The following CFAP47 variants were observed in gnomAD, a reference collection of about 807,000 sequenced individuals.
The protein encoded by CFAP47 is cilia and flagella associated protein 47.
Under a neutral mutation model 148.1 loss-of-function variants are expected in CFAP47, and 29 were observed. That is an observed-to-expected ratio of 0.20 (90% confidence interval 0.15 to 0.27). The LOEUF is 0.27. Ranked by LOEUF, CFAP47 falls within the 10% of genes least tolerant of loss-of-function variation. The probability of loss-of-function intolerance (pLI) is 1.00; values close to 1 mark genes in which losing one functional copy is unlikely to be tolerated. For missense variants in CFAP47, 1,872 were observed against 1,697.5 expected, an observed-to-expected ratio of 1.10 and a Z score of -1.81; for synonymous variants, 664 against 577.3, an observed-to-expected ratio of 1.15 and a Z score of -2.15.
intron 49 of CFAP47, among the ~76,000 whole-genome samples, chrX:36,265,810 G>T (rs782175731): frequency 6.8e-4 from 76 of 111,766 alleles, no homozygotes; most frequent in African/African-American, 2.2e-3. Context: ...GTTCTGTGCT[G>T]GTTCTTTCCA....
intron 37 of CFAP47, among the ~76,000 whole-genome samples, chrX:36,151,417 A>G (rs1204541012): frequency 8.9e-6 from 1 of 112,028 alleles, no homozygotes; most frequent in Non-Finnish European, 1.9e-5. Flanking sequence ...AACATTTGCT[A>G]TATAAAAATA....
intron 56 of CFAP47, among the ~76,000 whole-genome samples, chrX:36,315,262 C>T (rs782332067): frequency 2.1e-4 from 24 of 111,987 alleles, no homozygotes; most frequent in Non-Finnish European, 3.2e-4. Context: ...AGAAATTGAG[C>T]ACCTTGGGCA....
At chrX:35,984,638 TCTG>T (rs1413582925) in intron 15 of CFAP47, among the ~76,000 whole-genome samples, 1 of 111,674 alleles carries the variant, frequency 9.0e-6, no homozygotes, top group Admixed American at 9.5e-5. Flanking sequence ...TCCTAGAGAG[TCTG>T]CTATGTTGTA....
At chrX:36,367,179 T>C (rs1164329830) in intron 62 of CFAP47, 52 bp downstream of exon 62, 3 of 878,326 alleles carry the variant, frequency 3.4e-6, no homozygotes, top group Non-Finnish European at 4.6e-6. Context: ...TGCTGAACTT[T>C]GGAATGAAAT....
intron 30 of CFAP47, among the ~76,000 whole-genome samples, chrX:36,097,926 C>G (rs1476728032): frequency 8.9e-6 from 1 of 111,903 alleles, no homozygotes; most frequent in Non-Finnish European, 1.9e-5. Context: ...TCTACCTCCT[C>G]TGTAAGGCCA....
intron 56 of CFAP47, among the ~76,000 whole-genome samples, chrX:36,313,206 A>G (rs1443827438): frequency 1.8e-5 from 2 of 111,640 alleles, no homozygotes; most frequent in African/African-American, 3.3e-5. Flanking sequence ...ACTGCTATAA[A>G]GAAATACCTG....
chrX:36,174,761 A>C (rs1231340732), intron 39 of CFAP47, among the ~76,000 whole-genome samples: 3 of 110,523 alleles, frequency 2.7e-5, no homozygotes, highest in African/African-American at 6.6e-5. Flanking sequence ...ACTTTGGTGA[A>C]TCTGACAATT....
intron 39 of CFAP47, among the ~76,000 whole-genome samples, chrX:36,173,505 G>T (rs1255172057): frequency 1.8e-5 from 2 of 111,189 alleles, no homozygotes; most frequent in South Asian, 3.8e-4. Flanking sequence ...TTGTGTCTTT[G>T]TTCTCGTCGG....
At chrX:36,260,161 T>C (rs961611848) in intron 49 of CFAP47, among the ~76,000 whole-genome samples, 8 of 111,806 alleles carry the variant, frequency 7.2e-5, no homozygotes, top group African/African-American at 2.6e-4. Context: ...TCCATGTCTT[T>C]GTTATTGTGA....
chrX:36,015,950 G>A (rs1455268279), intron 22 of CFAP47, among the ~76,000 whole-genome samples: 1 of 110,260 alleles, frequency 9.1e-6, no homozygotes, highest in African/African-American at 3.3e-5. Context: ...ATATGCTTGT[G>A]ATCTTACTGC....
chrX:36,178,698 T>G (rs992245657), intron 39 of CFAP47, among the ~76,000 whole-genome samples: 1 of 112,251 alleles, frequency 8.9e-6, no homozygotes, highest in African/African-American at 3.2e-5. Context: ...CATGACATCT[T>G]TAATGTACTG....
At chrX:36,009,246 A>G (rs768482862) in intron 21 of CFAP47, among the ~76,000 whole-genome samples, 1 of 111,144 alleles carries the variant, frequency 9.0e-6, no homozygotes, top group South Asian at 3.7e-4. Flanking sequence ...ATTAATATAT[A>G]AAAAAGCCTT....
chrX:36,053,203 T>G (rs770863051), intron 26 of CFAP47, among the ~76,000 whole-genome samples: 1 of 111,912 alleles, frequency 8.9e-6, no homozygotes, highest in South Asian at 3.7e-4. Context: ...TGAGGGATAC[T>G]ACCAGGTAGC....
intron 26 of CFAP47, among the ~76,000 whole-genome samples, chrX:36,063,069 C>A (rs13440534): frequency 0.054 from 6,044 of 111,266 alleles, 448 homozygotes; most frequent in African/African-American, 0.19. Context: ...TGATTTTTAC[C>A]CAGTAGAACT....
At chrX:35,991,991 C>A in intron 17 of CFAP47, 48 bp downstream of exon 17, 2 of 288,467 alleles carry the variant, frequency 6.9e-6, no homozygotes, top group South Asian at 4.2e-4. Context: ...ATGACATGGT[C>A]ATAATGCTGT....
At chrX:36,169,748 A>G (rs1047927302) in intron 39 of CFAP47, among the ~76,000 whole-genome samples, 11 of 111,304 alleles carry the variant, frequency 9.9e-5, no homozygotes, top group Admixed American at 5.8e-4. Context: ...ACACATGGGC[A>G]TCTTTTCCCC....
chrX:36,038,656 C>T (rs1376091449), intron 24 of CFAP47, among the ~76,000 whole-genome samples: 2 of 112,154 alleles, frequency 1.8e-5, no homozygotes, highest in Non-Finnish European at 3.8e-5. Context: ...TGGGAAGCTT[C>T]TATTAAAACA....
At chrX:36,335,222 T>A (rs1941595357) in intron 57 of CFAP47, among the ~76,000 whole-genome samples, 1 of 111,247 alleles carries the variant, frequency 9.0e-6, no homozygotes, top group African/African-American at 3.3e-5. Flanking sequence ...TGATAGATAC[T>A]AAGACGAGAT....
intron 26 of CFAP47, among the ~76,000 whole-genome samples, chrX:36,063,997 T>C (rs556900951): frequency 8.6e-4 from 97 of 112,234 alleles, no homozygotes; most frequent in South Asian, 8.4e-3. Context: ...ACAGGGGATA[T>C]GAGTATAAGG....
Sources: allele counts gnomAD v4.1 joint callset (sites outside exome capture counted in the v4.1 genomes callset), GRCh38; gene constraint gnomAD v4.1.1; transcripts MANE v1.5; gene names NCBI Gene and HGNC (gene_info 2026-07-23, HGNC 2026-07-21).